The following MECOM variants were observed in gnomAD, a reference collection of about 807,000 sequenced individuals.
MECOM encodes MDS1 and EVI1 complex locus, also known as histone-lysine N-methyltransferase MECOM.
Under a neutral mutation model 116.3 loss-of-function variants are expected in MECOM, and 13 were observed. The observed-to-expected ratio is 0.11, with a 90% confidence interval of 0.07 to 0.18. MECOM has a LOEUF of 0.18. Ranked by LOEUF, MECOM falls within the 10% of genes least tolerant of loss-of-function variation. The pLI is 1.00. For synonymous variants in MECOM, 528 were observed against 535.2 expected, an observed-to-expected ratio of 0.99 and a Z score of 0.19; for missense variants, 1,299 against 1,509.0, an observed-to-expected ratio of 0.86 and a Z score of 2.31.
At chr3:169,577,280 T>C (rs1024097156) in intron 1 of MECOM, among the ~76,000 whole-genome samples, 1 of 152,228 alleles carries the variant, frequency 6.6e-6, no homozygotes, top group Non-Finnish European at 1.5e-5. Context: ...ATCAGAGTCC[T>C]GGCATTGAGA....
chr3:169,301,455 G>A (rs1577644221), intron 2 of MECOM, among the ~76,000 whole-genome samples: 1 of 152,106 alleles, frequency 6.6e-6, no homozygotes, highest in East Asian at 1.9e-4. Context: ...GATAGCCTAT[G>A]GCTTTTCACT....
At chr3:169,422,624 T>G (rs1179002835) in intron 1 of MECOM, among the ~76,000 whole-genome samples, 1 of 152,084 alleles carries the variant, frequency 6.6e-6, no homozygotes, top group Non-Finnish European at 1.5e-5. Context: ...AGACAATTAT[T>G]CACATTTTAA....
chr3:169,459,923 GAAAGACT>G (rs965966055), intron 1 of MECOM, among the ~76,000 whole-genome samples: 6 of 152,084 alleles, frequency 3.9e-5, no homozygotes, highest in African/African-American at 1.4e-4. Flanking sequence ...TATACACCCC[GAAAGACT>G]AAAGTTAATC....
At chr3:169,145,068 T>C in intron 2 of MECOM, 4 of 1,522,374 alleles carry the variant, frequency 2.6e-6, no homozygotes. Flanking sequence ...CCTTTGGCCA[T>C]GAGGAAATTG....
intron 2 of MECOM, among the ~76,000 whole-genome samples, chr3:169,268,378 T>C (rs964811022): frequency 6.6e-6 from 1 of 152,216 alleles, no homozygotes; most frequent in Admixed American, 6.5e-5. Context: ...TCTCAAATAC[T>C]TGTTTGGAAA....
intron 2 of MECOM, among the ~76,000 whole-genome samples, chr3:169,312,415 C>T (rs1718963477): frequency 7.3e-6 from 1 of 136,692 alleles, no homozygotes; most frequent in Admixed American, 8.3e-5. Flanking sequence ...GTCGCCCAGG[C>T]TGGAGTGCAG....
chr3:169,172,540 A>G (rs1237065637), intron 2 of MECOM, among the ~76,000 whole-genome samples: 1 of 152,122 alleles, frequency 6.6e-6, no homozygotes, highest in Non-Finnish European at 1.5e-5. Context: ...TTTTACCCAT[A>G]CATAGGAAAA....
intron 1 of MECOM, among the ~76,000 whole-genome samples, chr3:169,428,654 C>G (rs139411080): frequency 6.6e-6 from 1 of 152,210 alleles, no homozygotes; most frequent in East Asian, 1.9e-4. Context: ...AGAATATGCT[C>G]ATGAGGTCAT....
intron 10 of MECOM, among the ~76,000 whole-genome samples, chr3:169,106,694 C>T (rs150211854): frequency 1.4e-4 from 22 of 152,136 alleles, no homozygotes; most frequent in Non-Finnish European, 2.4e-4. Flanking sequence ...TGTAAGGGGT[C>T]AACACCTTAA....
intron 2 of MECOM, among the ~76,000 whole-genome samples, chr3:169,267,424 T>C (rs1758444400): frequency 6.6e-6 from 1 of 152,094 alleles, no homozygotes; most frequent in Admixed American, 6.6e-5. Context: ...AATAAGTGAG[T>C]TGGGCTGGAT....
intron 1 of MECOM, among the ~76,000 whole-genome samples, chr3:169,604,774 C>G (rs1346378606): frequency 6.6e-6 from 1 of 152,100 alleles, no homozygotes; most frequent in Admixed American, 6.5e-5. Context: ...GAGCTGCCCT[C>G]TAGAGGAAGT....
intron 1 of MECOM, among the ~76,000 whole-genome samples, chr3:169,572,582 G>C (rs988561272): frequency 1.3e-5 from 2 of 152,132 alleles, no homozygotes; most frequent in Admixed American, 6.5e-5. Context: ...CAAAGACTTG[G>C]AACCAACCCA....
chr3:169,208,716 C>T (rs1485170863), intron 2 of MECOM, among the ~76,000 whole-genome samples: 2 of 152,032 alleles, frequency 1.3e-5, no homozygotes, highest in Admixed American at 6.6e-5. Context: ...AATAGAAAAA[C>T]ATTCCATCAT....
intron 2 of MECOM, among the ~76,000 whole-genome samples, chr3:169,183,819 C>T (rs62293260): frequency 0.52 from 44,605 of 84,962 alleles, 8,833 homozygotes; most frequent in East Asian, 0.6. Context: ...CACACACACA[C>T]ATATATATAT....
intron 11 of MECOM, among the ~76,000 whole-genome samples, chr3:169,101,236 C>G (rs561292546): frequency 2.0e-5 from 3 of 152,350 alleles, no homozygotes; most frequent in Admixed American, 2.0e-4. Context: ...TCCTATACAT[C>G]TCTCTTATTA....
At chr3:169,403,632 C>T (rs16853665) in intron 1 of MECOM, among the ~76,000 whole-genome samples, 8,522 of 152,176 alleles carry the variant, frequency 0.056, 249 homozygotes, top group Non-Finnish European at 0.066. Context: ...TTTGCACCAT[C>T]GAAAAGAGAA....
intron 2 of MECOM, chr3:169,149,540 A>C: frequency 3.5e-6 from 1 of 289,450 alleles, no homozygotes; most frequent in South Asian, 2.8e-5. Context: ...CCAGCCACCC[A>C]GGTGAACCCG....
chr3:169,485,934 T>TATATATATAC (rs1752171854), intron 1 of MECOM, among the ~76,000 whole-genome samples: 1 of 71,396 alleles, frequency 1.4e-5, no homozygotes, highest in Admixed American at 1.6e-4. Context: ...GTATATATAG[T>TATATATATAC]ATATATGTAT....
At chr3:169,452,402 T>C (rs886129804) in intron 1 of MECOM, among the ~76,000 whole-genome samples, 34 of 152,330 alleles carry the variant, frequency 2.2e-4, no homozygotes, top group African/African-American at 7.9e-4. Flanking sequence ...ACTACATAAA[T>C]CTATGATGGA....
Sources: allele counts gnomAD v4.1 joint callset (sites outside exome capture counted in the v4.1 genomes callset), GRCh38; gene constraint gnomAD v4.1.1; transcripts MANE v1.5; gene names NCBI Gene and HGNC (gene_info 2026-07-23, HGNC 2026-07-21).